Variants in NEDD4L observed in about 807,000 individuals in gnomAD.
NEDD4L encodes the protein E3 ubiquitin-protein ligase NEDD4-like.
NEDD4L carries 54 observed loss-of-function variants against 148.9 expected under a neutral mutation model. That is an observed-to-expected ratio of 0.36 (90% CI 0.29 to 0.45). NEDD4L has a LOEUF of 0.45. Among genes scored for constraint, NEDD4L ranks in the 20% least tolerant of loss-of-function variants. The pLI, the probability that NEDD4L is intolerant of heterozygous loss-of-function variation, is 1.00. For synonymous variants in NEDD4L, 433 were observed against 440.7 expected (o/e 0.98, Z 0.22); for missense variants, 856 against 1,233.8 (o/e 0.69, Z 4.59).
chr18:58,378,371 G>C (rs2047852897), intron 24 of NEDD4L, among the ~76,000 whole-genome samples: 1 of 152,204 alleles, frequency 6.6e-6, no homozygotes. Flanking sequence ...GAAACACTTG[G>C]GGGAAGGCAG....
At chr18:58,216,866 G>A (rs2147847229) in intron 2 of NEDD4L, among the ~76,000 whole-genome samples, 1 of 152,280 alleles carries the variant, frequency 6.6e-6, no homozygotes, top group East Asian at 1.9e-4. Context: ...TTTCTTTCCT[G>A]TGAAAATGTG....
At chr18:58,128,932 G>A (rs918012850) in intron 1 of NEDD4L, among the ~76,000 whole-genome samples, 4 of 152,174 alleles carry the variant, frequency 2.6e-5, no homozygotes, top group East Asian at 1.9e-4. Context: ...AATACAGTGC[G>A]GTTAGTTCCA....
chr18:58,299,761 C>T (rs931201596), intron 5 of NEDD4L, among the ~76,000 whole-genome samples: 10 of 152,042 alleles, frequency 6.6e-5, no homozygotes, highest in East Asian at 1.9e-4. Flanking sequence ...AAAGGCTTTC[C>T]GGTGTCTTTT....
rs1218776126 is a variant in NEDD4L at position 58,044,724 on chromosome 18, TTCCTGCTCGGGAC to T, written c.48+20_48+32del. 6.2e-7 allele frequency: 1 copy of T among 1,603,914 alleles called. No individual in the cohort carries two copies. The highest frequency in any genetic ancestry group is 8.5e-7 in the Non-Finnish European group (1 of 1,175,340). Reference sequence around the variant, plus strand: ...CGAAGACGAGGTGAGTGGCACCCCCTTCCTGCTCGGGACTCCCCGGGGAGTTCCTATCCCGCGC... The same window carrying T: ...CGAAGACGAGGTGAGTGGCACCCCCTTCCCCGGGGAGTTCCTATCCCGCGC... On this transcript the variant is annotated intron_variant, in intron 1 of 30. Transcript: ENST00000400345.
intron 1 of NEDD4L, among the ~76,000 whole-genome samples, chr18:58,162,561 G>C (rs1475863614): frequency 6.6e-6 from 1 of 150,850 alleles, no homozygotes; most frequent in Non-Finnish European, 1.5e-5. Context: ...TGTCTTTGGA[G>C]CACTTGCCAC....
chr18:58,087,875 AAAAC>A (rs942359234), intron 1 of NEDD4L, among the ~76,000 whole-genome samples: 9 of 152,204 alleles, frequency 5.9e-5, no homozygotes, highest in Non-Finnish European at 1.3e-4. Flanking sequence ...ACTCCATCTC[AAAAC>A]AAACAAACCA....
intron 2 of NEDD4L, among the ~76,000 whole-genome samples, chr18:58,186,076 C>T (rs970734715): frequency 2.0e-5 from 3 of 151,886 alleles, no homozygotes; most frequent in Admixed American, 6.5e-5. Flanking sequence ...TACATATGCA[C>T]ACGCACACAG....
At chr18:58,202,724 C>T (rs2041556433) in intron 2 of NEDD4L, among the ~76,000 whole-genome samples, 1 of 152,226 alleles carries the variant, frequency 6.6e-6, no homozygotes, top group Non-Finnish European at 1.5e-5. Context: ...ATTCCTGCTG[C>T]ATACATTCAA....
intron 5 of NEDD4L, among the ~76,000 whole-genome samples, chr18:58,275,084 A>G (rs797020554): frequency 3.9e-5 from 6 of 152,338 alleles, no homozygotes; most frequent in African/African-American, 1.2e-4. Context: ...CTCCCCCACA[A>G]TTTAACTAGT....
At chr18:58,315,510 AT>A (rs1319748963) in intron 5 of NEDD4L, among the ~76,000 whole-genome samples, 1 of 151,860 alleles carries the variant, frequency 6.6e-6, no homozygotes, top group Non-Finnish European at 1.5e-5. Context: ...AAAAGTGTGT[AT>A]TTTTTTGTGA....
chr18:58,047,304 A>C (rs2081629750), intron 1 of NEDD4L: 6 of 984,486 alleles, frequency 6.1e-6, no homozygotes, highest in Non-Finnish European at 7.2e-6. Flanking sequence ...ATTTCTTAAA[A>C]GTAGATTCGT....
chr18:58,385,642 G>A lies in NEDD4L; in HGVS notation c.2487+56G>A. 7.9e-6 allele frequency: 11 copies of A among 1,396,990 alleles called. No homozygotes were observed. In the South Asian group the frequency reaches 1.0e-4, roughly 13 times the overall value. The allele number at this position is 1,396,990 out of a possible 1,614,324, so 86.5% of individuals were successfully genotyped here. ...TGTGCCTCTGGTCCCGGGTCGATGGGGGATCGCGCTTCTCCTTTAGCTAGT... is the reference window on the plus strand; with the variant it reads ...TGTGCCTCTGGTCCCGGGTCGATGGAGGATCGCGCTTCTCCTTTAGCTAGT... On this transcript the variant is annotated intron_variant, in intron 26 of 30. Coordinates refer to ENST00000400345, the MANE Select transcript of NEDD4L (RefSeq NM_001144967.3).
chr18:58,267,905 G>C (rs771463768), intron 5 of NEDD4L, among the ~76,000 whole-genome samples: 1 of 152,028 alleles, frequency 6.6e-6, no homozygotes, highest in East Asian at 1.9e-4. Context: ...AGAGAGGCAG[G>C]CCCTTCAGAA....
At chr18:58,066,871 T>C (rs1195559787) in intron 1 of NEDD4L, among the ~76,000 whole-genome samples, 1 of 152,094 alleles carries the variant, frequency 6.6e-6, no homozygotes, top group African/African-American at 2.4e-5. Context: ...AGAGCAACAC[T>C]GAGGGGCAAA....
intron 5 of NEDD4L, among the ~76,000 whole-genome samples, chr18:58,266,577 G>A (rs188884417): frequency 3.2e-4 from 49 of 152,278 alleles, no homozygotes; most frequent in Non-Finnish European, 1.9e-4. Context: ...CCATTGCAAA[G>A]TAGGTCTTGT....
rs1425500389 is a variant in NEDD4L at position 58,364,261 on chromosome 18, C to T, written c.1768-7C>T. 1 of 1,517,226 alleles carries T rather than the reference C, an allele frequency of 6.6e-7. No homozygotes were observed. The highest frequency in any genetic ancestry group is 9.0e-7 in the Non-Finnish European group (1 of 1,115,772). 94.0% of individuals were successfully genotyped at this position (1,517,226 alleles called of 1,614,324 possible). The stretch of plus-strand genomic sequence containing the variant: ...GCATTATCTATATTTATAAATTTAT[C>T]TTCCAGGCTGTCCCTTACTCCAGAG... On this transcript the variant is annotated splice_region_variant and splice_polypyrimidine_tract_variant and intron_variant, in intron 19 of 30. Coordinates refer to ENST00000400345, the MANE Select transcript of NEDD4L (RefSeq NM_001144967.3).
intron 1 of NEDD4L, among the ~76,000 whole-genome samples, chr18:58,122,468 G>T (rs941265399): frequency 1.3e-5 from 2 of 152,138 alleles, no homozygotes; most frequent in African/African-American, 2.4e-5. Flanking sequence ...TTGCACTCCA[G>T]CCTGGGCAAC....
At chr18:58,290,888 C>T (rs561455101) in intron 5 of NEDD4L, among the ~76,000 whole-genome samples, 2 of 152,324 alleles carry the variant, frequency 1.3e-5, no homozygotes, top group South Asian at 4.1e-4. Flanking sequence ...AGAGTTGTGT[C>T]AGAATGCCCT....
chr18:58,363,622 A>T (rs947067865), intron 19 of NEDD4L, among the ~76,000 whole-genome samples: 1 of 152,316 alleles, frequency 6.6e-6, no homozygotes, highest in African/African-American at 2.4e-5. Context: ...AGTTAACTCA[A>T]TTCCTGAGCC....
Sources: gnomAD v4.1 joint callset for allele counts (sites outside exome capture counted in the v4.1 genomes callset) on GRCh38, gnomAD v4.1.1 for gene constraint, MANE v1.5 for transcripts, NCBI Gene and HGNC (gene_info 2026-07-23, HGNC 2026-07-21) for gene names.